TRIQK: variants seen among roughly 807,000 people sequenced by gnomAD.
TRIQK encodes triple QxxK/R motif containing.
A neutral mutation model predicts 10.8 loss-of-function variants in TRIQK; 10 were observed. The observed-to-expected ratio is 0.92, with a 90% CI of 0.57 to 1.57. The LOEUF (loss-of-function observed/expected upper bound fraction) is 1.57, where lower values mean the gene tolerates loss of function less well. TRIQK is among the 40% of genes most tolerant of loss of function. The pLI is 0.00. For synonymous variants in TRIQK, 33 were observed against 33.7 expected, an observed-to-expected ratio of 0.98 and a Z score of 0.07; for missense variants, 107 against 97.7, an observed-to-expected ratio of 1.09 and a Z score of -0.40.
chr8:92,920,768 T>G (rs529467936), intron 2 of TRIQK, among the ~76,000 whole-genome samples: 1 of 151,924 alleles, frequency 6.6e-6, no homozygotes, highest in South Asian at 2.1e-4. Context: ...TACTAAAATG[T>G]GAGGGAACTA....
At chr8:92,929,236 A>T (rs969624109) in intron 2 of TRIQK, among the ~76,000 whole-genome samples, 1 of 152,214 alleles carries the variant, frequency 6.6e-6, no homozygotes, top group African/African-American at 2.4e-5. Flanking sequence ...CTAGTGGACC[A>T]TACTTGGCAA....
intron 2 of TRIQK, among the ~76,000 whole-genome samples, chr8:92,940,371 T>C (rs1368509861): frequency 2.7e-5 from 4 of 149,302 alleles, no homozygotes; most frequent in Middle Eastern, 3.5e-3. Flanking sequence ...GTATATACTG[T>C]CTGCAAGAGA....
At chr8:92,964,008 G>A (rs1812595917) in intron 1 of TRIQK, 1 of 152,076 alleles carries the variant, frequency 6.6e-6, no homozygotes, top group Non-Finnish European at 1.5e-5. Flanking sequence ...GGGCATTTGG[G>A]ATAAAACATA....
chr8:92,941,382 G>A (rs979569853), intron 2 of TRIQK: 2 of 151,836 alleles, frequency 1.3e-5, no homozygotes, highest in African/African-American at 2.4e-5. Flanking sequence ...CAGCCAAAAG[G>A]GAAATTTAAA....
At chr8:92,909,474 CA>C (rs1435315205) in intron 3 of TRIQK, among the ~76,000 whole-genome samples, 2 of 151,762 alleles carry the variant, frequency 1.3e-5, no homozygotes, top group African/African-American at 4.8e-5. Flanking sequence ...GTAAATTCAT[CA>C]TTGAAAATAA....
chr8:92,972,053 A>G (rs868674550), intron 1 of TRIQK, among the ~76,000 whole-genome samples: 1 of 152,128 alleles, frequency 6.6e-6, no homozygotes, highest in African/African-American at 2.4e-5. Flanking sequence ...TTGGTGGTGA[A>G]GAATATTTGC....
At chr8:92,933,837 T>C (rs1810853625) in intron 2 of TRIQK, among the ~76,000 whole-genome samples, 2 of 152,116 alleles carry the variant, frequency 1.3e-5, no homozygotes, top group African/African-American at 4.8e-5. Flanking sequence ...CTCACACTTC[T>C]GACTATAAAG....
intron 1 of TRIQK, chr8:92,974,498 C>G (rs140858034): frequency 9.5e-4 from 144 of 152,318 alleles, no homozygotes; most frequent in Middle Eastern, 3.4e-3. Context: ...AGTCCTGAAA[C>G]AAGAAATTCA....
intron 3 of TRIQK, among the ~76,000 whole-genome samples, chr8:92,916,571 T>C (rs1000986405): frequency 6.6e-6 from 1 of 152,094 alleles, no homozygotes; most frequent in Non-Finnish European, 1.5e-5. Flanking sequence ...TTATTGCCAA[T>C]AAGAGTCAAC....
At chr8:92,896,026 G>C (rs1808576358) in intron 3 of TRIQK, among the ~76,000 whole-genome samples, 1 of 152,120 alleles carries the variant, frequency 6.6e-6, no homozygotes, top group Non-Finnish European at 1.5e-5. Flanking sequence ...TATTCATCAG[G>C]ACAATGAGAG....
chr8:92,949,923 T>C (rs1329644415), intron 2 of TRIQK, among the ~76,000 whole-genome samples: 4 of 152,040 alleles, frequency 2.6e-5, no homozygotes, highest in African/African-American at 4.8e-5. Context: ...AAATATAAAC[T>C]TGATCTCACA....
At chr8:93,011,685 CA>C (rs1213217856) in intron 1 of TRIQK, among the ~76,000 whole-genome samples, 1 of 152,108 alleles carries the variant, frequency 6.6e-6, no homozygotes. Context: ...AGAACATCAT[CA>C]AATAGCATTC....
chr8:92,935,451 C>A (rs1334756914), intron 2 of TRIQK, among the ~76,000 whole-genome samples: 1 of 151,474 alleles, frequency 6.6e-6, no homozygotes, highest in Non-Finnish European at 1.5e-5. Flanking sequence ...CAGTATTATG[C>A]ATCAACAGAA....
At chr8:92,917,117 AC>A (rs1809902644) in intron 2 of TRIQK, 107 bp from the exon 3 acceptor site, 1 of 491,848 alleles carries the variant, frequency 2.0e-6, no homozygotes, top group Non-Finnish European at 3.3e-6. Flanking sequence ...GGGTACAAAT[AC>A]TTTGACTTAT....
chr8:92,975,199 T>C (rs1586519713), intron 1 of TRIQK, among the ~76,000 whole-genome samples: 1 of 152,380 alleles, frequency 6.6e-6, no homozygotes, highest in Admixed American at 6.5e-5. Context: ...CCCAGAGATA[T>C]GCTGGTCTCA....
chr8:93,009,309 T>C (rs1041426601), intron 1 of TRIQK, among the ~76,000 whole-genome samples: 2 of 152,114 alleles, frequency 1.3e-5, no homozygotes, highest in African/African-American at 2.4e-5. Flanking sequence ...AGAGTGGCTG[T>C]TATCAAAAAG....
intron 2 of TRIQK, among the ~76,000 whole-genome samples, chr8:92,947,926 A>G (rs893324345): frequency 6.6e-6 from 1 of 152,184 alleles, no homozygotes; most frequent in African/African-American, 2.4e-5. Flanking sequence ...TTAAAAATAT[A>G]TATGTTTAGT....
rs137926184 is a variant in TRIQK, at chr8:92,901,290, G to A, written c.62-9216C>T. ...GACTTCCAGTACCATGTTGAATAAC[G>A]GGGGTGGAAAGTGAGCAGTCTTGTC... On this transcript the variant is annotated intron_variant, in intron 3 of 4. Coordinates refer to ENST00000521988, the MANE Select transcript of TRIQK (RefSeq NM_001171797.2). Among the ~76,000 whole-genome samples the A allele has an allele frequency of 2.0e-3, 302 of 152,158 alleles. 3 individuals are homozygous for A. The highest frequency in any genetic ancestry group is 6.8e-3 in the African/African-American group (281 of 41,528).
At chr8:92,979,890 G>A (rs1009483106) in intron 1 of TRIQK, among the ~76,000 whole-genome samples, 1 of 152,004 alleles carries the variant, frequency 6.6e-6, no homozygotes, top group African/African-American at 2.4e-5. Flanking sequence ...ATGATAGACT[G>A]TCTTGAAATT....
Sources: allele counts gnomAD v4.1 joint callset (sites outside exome capture counted in the v4.1 genomes callset), GRCh38; gene constraint gnomAD v4.1.1; transcripts MANE v1.5; gene names NCBI Gene and HGNC (gene_info 2026-07-23, HGNC 2026-07-21).